TTC28: variants seen among roughly 807,000 people sequenced by gnomAD.
The protein encoded by TTC28 is tetratricopeptide repeat protein 28.
A neutral mutation model predicts 198.0 loss-of-function variants in TTC28; 61 were observed. That is an observed-to-expected ratio of 0.31 (90% CI 0.25 to 0.38). The LOEUF (loss-of-function observed/expected upper bound fraction) is 0.38, where lower values mean the gene tolerates loss of function less well. TTC28 is among the 10% of genes least tolerant of loss of function. The pLI is 1.00. For missense variants in TTC28, 2,678 were observed against 3,164.0 expected, an observed-to-expected ratio of 0.85 and a Z score of 3.69; for synonymous variants, 1,171 against 1,297.8, an observed-to-expected ratio of 0.90 and a Z score of 2.10.
Position 28,663,539 on chromosome 22 carries a change from C to CG in TTC28, c.102+16082dup, listed in dbSNP as rs532862319. Among the ~76,000 whole-genome samples, 169 of 133,306 alleles carry CG rather than the reference C, an allele frequency of 1.3e-3. 5 individuals carry two copies. The South Asian group carries it at 0.044, about 35-fold the overall frequency. The allele number at this position is 133,306 out of a possible 152,430, so 87.5% of individuals were successfully genotyped here. A position where few individuals can be genotyped will look rare whatever the true frequency, so the allele number is the denominator to read the frequency against. On this transcript the variant is annotated intron_variant, in intron 1 of 22. Coordinates refer to ENST00000397906, the MANE Select transcript of TTC28 (RefSeq NM_001145418.2). ...CCGAGTCAAAGAAAGGGGTGACGGA[C>CG]GCACCTGGAAAATCGGGTCACTCCC...
chr22:28,222,494 G>A (rs1420349512), intron 5 of TTC28, among the ~76,000 whole-genome samples: 1 of 151,906 alleles, frequency 6.6e-6, no homozygotes, highest in African/African-American at 2.4e-5. Context: ...AATTCATTCT[G>A]CAGTGAGAAT....
At chr22:28,009,329 T>C (rs573309686) in intron 14 of TTC28, among the ~76,000 whole-genome samples, 3 of 152,362 alleles carry the variant, frequency 2.0e-5, no homozygotes, top group South Asian at 4.1e-4. Flanking sequence ...ACAAAGGCAG[T>C]TGTTCAAATA....
At chr22:28,061,640 G>A (rs2146739128) in intron 12 of TTC28, among the ~76,000 whole-genome samples, 1 of 152,328 alleles carries the variant, frequency 6.6e-6, no homozygotes, top group South Asian at 2.1e-4. Context: ...ACAGTTTGAA[G>A]TCAGGTAGCT....
intron 12 of TTC28, among the ~76,000 whole-genome samples, chr22:28,066,153 T>C (rs1940736896): frequency 6.6e-6 from 1 of 152,104 alleles, no homozygotes; most frequent in African/African-American, 2.4e-5. Context: ...GAGGCATAAT[T>C]AACAAATAAA....
chr22:28,584,184 A>C (rs2050276362), intron 2 of TTC28, among the ~76,000 whole-genome samples: 1 of 152,014 alleles, frequency 6.6e-6, no homozygotes, highest in Non-Finnish European at 1.5e-5. Context: ...GATGCAAGAA[A>C]CAAAATTCCA....
intron 5 of TTC28, among the ~76,000 whole-genome samples, chr22:28,187,528 C>T (rs577594023): frequency 6.6e-6 from 1 of 152,180 alleles, no homozygotes. Flanking sequence ...TGTAGGCTCC[C>T]CTCAGAATTT....
At chr22:28,336,756 G>C (rs1032608161) in intron 2 of TTC28, among the ~76,000 whole-genome samples, 1 of 152,018 alleles carries the variant, frequency 6.6e-6, no homozygotes. Flanking sequence ...CTTGCTAGCA[G>C]TCTATCAATT....
chr22:28,158,445 T>C (rs1943804547), intron 6 of TTC28, among the ~76,000 whole-genome samples: 1 of 152,166 alleles, frequency 6.6e-6, no homozygotes, highest in Admixed American at 6.5e-5. Flanking sequence ...AGACCCAGAA[T>C]AGCCAAAGCT....
intron 17 of TTC28, among the ~76,000 whole-genome samples, chr22:27,995,006 A>C (rs573305073): frequency 6.6e-6 from 1 of 152,256 alleles, no homozygotes; most frequent in South Asian, 2.1e-4. Flanking sequence ...TGCTGGTCAC[A>C]GTGTTCACAT....
intron 1 of TTC28, among the ~76,000 whole-genome samples, chr22:28,640,293 T>A (rs1460710341): frequency 1.2e-4 from 8 of 67,380 alleles, no homozygotes; most frequent in South Asian, 5.4e-4. Flanking sequence ...AAATCAACTA[T>A]AGAGGAGAAA....
At chr22:28,675,759 A>G (rs2051975104) in intron 1 of TTC28, among the ~76,000 whole-genome samples, 1 of 151,380 alleles carries the variant, frequency 6.6e-6, no homozygotes, top group Non-Finnish European at 1.5e-5. Flanking sequence ...ACACACACAC[A>G]CACACACACA....
chr22:28,229,192 A>G (rs539234929), intron 5 of TTC28, among the ~76,000 whole-genome samples: 2 of 152,276 alleles, frequency 1.3e-5, no homozygotes, highest in Admixed American at 6.5e-5. Context: ...ACCCTCTCCA[A>G]TAGGAAAATA....
chr22:28,307,594 C>T (rs980806966), intron 2 of TTC28, among the ~76,000 whole-genome samples: 1 of 152,076 alleles, frequency 6.6e-6, no homozygotes, highest in African/African-American at 2.4e-5. Context: ...TTGTTTTCAA[C>T]TACACAGAGT....
chr22:28,036,454 C>T (rs900822137), intron 12 of TTC28, among the ~76,000 whole-genome samples: 16 of 152,076 alleles, frequency 1.1e-4, no homozygotes, highest in South Asian at 6.2e-4. Flanking sequence ...GAAATAAAGA[C>T]GTTCTTTGAA....
At chr22:28,096,094 T>A in intron 11 of TTC28, 96 bp downstream of exon 11, 1 of 1,397,976 alleles carries the variant, frequency 7.2e-7, no homozygotes, top group Non-Finnish European at 9.3e-7. Context: ...AGTTCCTTAG[T>A]ATGATCTATG....
chr22:28,292,049 T>C (rs1458109590), intron 5 of TTC28, among the ~76,000 whole-genome samples: 3 of 152,092 alleles, frequency 2.0e-5, no homozygotes, highest in Non-Finnish European at 2.9e-5. Context: ...AATTGTTATG[T>C]AATTGGATAA....
chr22:28,454,894 A>G (rs1417224353), intron 2 of TTC28, among the ~76,000 whole-genome samples: 1 of 152,220 alleles, frequency 6.6e-6, no homozygotes. Context: ...TAGTCAAAAC[A>G]TACATATGCT....
chr22:28,179,789 C>T (rs1161812950), intron 5 of TTC28, among the ~76,000 whole-genome samples: 2 of 152,172 alleles, frequency 1.3e-5, no homozygotes, highest in Non-Finnish European at 2.9e-5. Flanking sequence ...ATTGTTATTA[C>T]AGTATATCCT....
chr22:27,999,428 A>T, intron 15 of TTC28, 168 bp from the exon 16 acceptor site: 1 of 1,034,698 alleles, frequency 9.7e-7, no homozygotes, highest in African/African-American at 1.6e-5. Flanking sequence ...TTTTTGACAC[A>T]GGTGCCTAAC....
Sources: gnomAD v4.1 joint callset for allele counts (sites outside exome capture counted in the v4.1 genomes callset) on GRCh38, gnomAD v4.1.1 for gene constraint, MANE v1.5 for transcripts, NCBI Gene and HGNC (gene_info 2026-07-23, HGNC 2026-07-21) for gene names.